HOOK3: variants seen among roughly 807,000 people sequenced by gnomAD.
HOOK3 encodes the protein hook microtubule tethering protein 3, also known as protein Hook homolog 3.
A neutral mutation model predicts 116.3 loss-of-function variants in HOOK3; 24 were observed. That is an observed-to-expected ratio of 0.21 (90% CI 0.15 to 0.29). The LOEUF (loss-of-function observed/expected upper bound fraction) is 0.29, where lower values mean the gene tolerates loss of function less well. Among genes scored for constraint, HOOK3 ranks in the 10% least tolerant of loss-of-function variants. The pLI is 1.00. For synonymous variants in HOOK3, 275 were observed against 283.0 expected (o/e 0.97, Z 0.28); for missense variants, 632 against 830.2 (o/e 0.76, Z 2.93).
At chr8:42,968,272 T>C in intron 11 of HOOK3, 58 bp downstream of exon 11, 1 of 1,187,238 alleles carries the variant, frequency 8.4e-7, no homozygotes, top group Non-Finnish European at 1.2e-6. Flanking sequence ...TTATGACATG[T>C]AGCTTACCAA....
At chr8:42,986,392 G>A (rs1244334235) in intron 14 of HOOK3, among the ~76,000 whole-genome samples, 1 of 152,076 alleles carries the variant, frequency 6.6e-6, no homozygotes, top group East Asian at 1.9e-4. Context: ...TTAAATCAGG[G>A]AAGAAATAGG....
In HOOK3 at chr8:43,026,640, T is replaced by C. The variant is rs541632036; in HGVS notation, c.*8142T>C. On this transcript the variant is annotated 3_prime_UTR_variant, in exon 22 of 22. Transcript: ENST00000307602. ...CAGTTAATCAGAAGATGTTCTTACC[T>C]TTGGTTTGCCTGCCTCCTGAAACAC... 1 of 220,356 alleles carries C rather than the reference T, an allele frequency of 4.5e-6. No individual in the cohort carries two copies. Among genetic ancestry groups the C allele is most frequent in the South Asian group, 1.9e-4 (1 of 5,400 alleles). 13.7% of individuals were successfully genotyped at this position (220,356 alleles called of 1,614,324 possible).
chr8:42,945,411 G>A lies in HOOK3; in HGVS notation c.400+1966G>A, dbSNP rs190673115. Reference sequence around the variant, plus strand: ...TGCAACCTCCACCTCCTGGGTTCAAGCGATTCTCCTGCCTCAGCCTCTTGA... The same window carrying A: ...TGCAACCTCCACCTCCTGGGTTCAAACGATTCTCCTGCCTCAGCCTCTTGA... On this transcript the variant is annotated intron_variant, in intron 5 of 21. Coordinates refer to ENST00000307602, the MANE Select transcript of HOOK3 (RefSeq NM_032410.4). Among the ~76,000 whole-genome samples the A allele has an allele frequency of 3.1e-3, 472 of 152,232 alleles. 9 individuals carry two copies. Among genetic ancestry groups the A allele is most frequent in the Admixed American group, 0.028 (435 of 15,284 alleles).
At chr8:42,924,927 C>G (rs1432493421) in intron 2 of HOOK3, among the ~76,000 whole-genome samples, 1 of 149,300 alleles carries the variant, frequency 6.7e-6, no homozygotes, top group Non-Finnish European at 1.5e-5. Context: ...GAGCCGAGAT[C>G]ACACCATTGC....
chr8:43,009,626 A>C (rs1809565515), intron 18 of HOOK3, among the ~76,000 whole-genome samples: 1 of 152,164 alleles, frequency 6.6e-6, no homozygotes, highest in African/African-American at 2.4e-5. Flanking sequence ...TGTATTAATA[A>C]AGAGATAAGA....
chr8:42,902,595 C>T (rs1356526251), intron 1 of HOOK3, among the ~76,000 whole-genome samples: 2 of 152,126 alleles, frequency 1.3e-5, no homozygotes, highest in African/African-American at 2.4e-5. Flanking sequence ...TCAAACCCCC[C>T]CAGATGATTC....
At chr8:42,949,695 G>A (rs548030826) in intron 5 of HOOK3, among the ~76,000 whole-genome samples, 5 of 152,202 alleles carry the variant, frequency 3.3e-5, no homozygotes, top group African/African-American at 4.8e-5. Flanking sequence ...CGAGGCAGGC[G>A]GATCACGAGG....
chr8:42,958,939 A>G (rs1370842626), intron 7 of HOOK3, among the ~76,000 whole-genome samples: 2 of 152,194 alleles, frequency 1.3e-5, no homozygotes, highest in African/African-American at 4.8e-5. Context: ...TTATTAAAGA[A>G]TTATCCTTAC....
chr8:42,992,590 C>T (rs1809186526), intron 15 of HOOK3, among the ~76,000 whole-genome samples: 2 of 150,896 alleles, frequency 1.3e-5, no homozygotes, highest in Non-Finnish European at 2.9e-5. Context: ...GTGGTGCACA[C>T]CTGTAGTCCC....
intron 8 of HOOK3, among the ~76,000 whole-genome samples, chr8:42,960,031 ATAT>A (rs1439817861): frequency 6.6e-6 from 1 of 152,242 alleles, no homozygotes; most frequent in Non-Finnish European, 1.5e-5. Context: ...CTAGGAAATA[ATAT>A]TTACAAAGTC....
rs1227428568 is a variant in HOOK3, at chr8:43,025,037, G to T, written c.*6539G>T. ...GAAACTTATAAAACATTTAATTCAT[G>T]TTGACTTAAAACATGGGCATCCTTG... On this transcript the variant is annotated 3_prime_UTR_variant, in exon 22 of 22. Coordinates refer to ENST00000307602, the MANE Select transcript of HOOK3 (RefSeq NM_032410.4). 1 of 207,514 alleles carries T rather than the reference G, an allele frequency of 4.8e-6. No homozygotes were observed. Among genetic ancestry groups the T allele is most frequent in the East Asian group, 7.4e-5 (1 of 13,550 alleles). 12.9% of individuals were successfully genotyped at this position (207,514 alleles called of 1,614,324 possible).
chr8:42,987,809 A>G lies in HOOK3; in HGVS notation c.1532+1014A>G, dbSNP rs964607961. Among the ~76,000 whole-genome samples the G allele has an allele frequency of 6.6e-5, 10 of 152,006 alleles. 1 individual carries two copies. The highest frequency in any genetic ancestry group is 2.2e-4 in the African/African-American group (9 of 41,378). On this transcript the variant is annotated intron_variant, in intron 15 of 21. Transcript: ENST00000307602. ...TTTCCTTTTTGGAAATGTTTCTTAG[A>G]TCACAAACATACAGTTTTTTTTTCT...
chr8:43,006,256 G>A (rs1230282598), intron 17 of HOOK3, among the ~76,000 whole-genome samples: 2 of 151,362 alleles, frequency 1.3e-5, no homozygotes, highest in Non-Finnish European at 2.9e-5. Flanking sequence ...TCCTGACCTC[G>A]TGATCCGCCT....
At chr8:42,995,612 C>T (rs970685890) in intron 15 of HOOK3, among the ~76,000 whole-genome samples, 1 of 152,166 alleles carries the variant, frequency 6.6e-6, no homozygotes, top group Non-Finnish European at 1.5e-5. Context: ...TCAGTTAACT[C>T]CACATGGCTC....
intron 15 of HOOK3, among the ~76,000 whole-genome samples, chr8:42,987,783 T>G (rs1410629398): frequency 1.3e-5 from 2 of 152,254 alleles, no homozygotes; most frequent in Non-Finnish European, 2.9e-5. Flanking sequence ...CTTTTTGTTC[T>G]TTTCCTTTTT....
intron 2 of HOOK3, among the ~76,000 whole-genome samples, chr8:42,910,062 G>C (rs765896516): frequency 4.6e-5 from 7 of 152,180 alleles, no homozygotes; most frequent in Non-Finnish European, 8.8e-5. Context: ...TTGCAATTCT[G>C]AGGGAGCAGA....
At chr8:42,933,423 C>G (rs1807907848) in intron 4 of HOOK3, among the ~76,000 whole-genome samples, 2 of 152,110 alleles carry the variant, frequency 1.3e-5, no homozygotes, top group Non-Finnish European at 2.9e-5. Context: ...TGTAAATAAC[C>G]CAGTGGGGCC....
intron 4 of HOOK3, among the ~76,000 whole-genome samples, chr8:42,943,107 C>T (rs1002120436): frequency 6.6e-6 from 1 of 151,798 alleles, no homozygotes; most frequent in African/African-American, 2.4e-5. Context: ...GTACATGCCA[C>T]ATACCAGAGT....
At position 42,941,916 on chromosome 8, in the gene HOOK3, C is replaced by A. The variant is rs553312534; in HGVS notation, c.268-1397C>A. Among the ~76,000 whole-genome samples, 3 of 152,298 alleles carry A rather than the reference C, an allele frequency of 2.0e-5. No individual in the cohort carries two copies. The East Asian group carries it at 5.8e-4, about 29-fold the overall frequency. On this transcript the variant is annotated intron_variant, in intron 4 of 21. Coordinates refer to ENST00000307602, the MANE Select transcript of HOOK3 (RefSeq NM_032410.4). ...TGGTCTGCCTCTTCATTCCAGGATT[C>A]TGCTCAGTTTTTGACTTAGCATAGA...
Sources: gnomAD v4.1 joint callset for allele counts (sites outside exome capture counted in the v4.1 genomes callset) on GRCh38, gnomAD v4.1.1 for gene constraint, MANE v1.5 for transcripts, NCBI Gene and HGNC (gene_info 2026-07-23, HGNC 2026-07-21) for gene names.